The following IKZF3 variants were observed in gnomAD, a reference collection of about 807,000 sequenced individuals.
IKZF3 encodes zinc finger protein Aiolos.
Under a neutral mutation model 49.0 loss-of-function variants are expected in IKZF3, and 10 were observed. That is an observed-to-expected ratio of 0.20 (90% CI 0.13 to 0.35). The LOEUF is 0.35. Among genes scored for constraint, IKZF3 ranks in the 10% least tolerant of loss-of-function variants. IKZF3 has a pLI of 1.00. For missense variants in IKZF3, 498 were observed against 664.8 expected, an observed-to-expected ratio of 0.75 and a Z score of 2.76; for synonymous variants, 209 against 228.2, an observed-to-expected ratio of 0.92 and a Z score of 0.76.
At chr17:39,794,147 G>C (rs1567987134) in intron 3 of IKZF3, among the ~76,000 whole-genome samples, 1 of 152,216 alleles carries the variant, frequency 6.6e-6, no homozygotes, top group African/African-American at 2.4e-5. Context: ...TCTGGGAGCA[G>C]AGATGTTTTT....
chr17:39,838,706 A>G (rs910372023), intron 1 of IKZF3, among the ~76,000 whole-genome samples: 3 of 152,090 alleles, frequency 2.0e-5, no homozygotes, highest in African/African-American at 7.2e-5. Flanking sequence ...TTTTCTCTTG[A>G]GTATGGGTCA....
chr17:39,835,288 C>T (rs79313700), intron 1 of IKZF3: 2 of 551,020 alleles, frequency 3.6e-6, no homozygotes, highest in East Asian at 9.7e-5. Flanking sequence ...GTCATCAGCT[C>T]CTGGTACTTG....
At chr17:39,856,849 T>G (rs955983769) in intron 1 of IKZF3, among the ~76,000 whole-genome samples, 2 of 151,776 alleles carry the variant, frequency 1.3e-5, no homozygotes, top group African/African-American at 2.4e-5. Context: ...TGAGAAAATA[T>G]GCACAGGAGA....
At chr17:39,806,234 G>A (rs544539185) in intron 3 of IKZF3, among the ~76,000 whole-genome samples, 23 of 152,178 alleles carry the variant, frequency 1.5e-4, no homozygotes, top group Admixed American at 3.3e-4. Flanking sequence ...ATATATAGGC[G>A]TAGCATAGTA....
intron 1 of IKZF3, among the ~76,000 whole-genome samples, chr17:39,863,491 C>G (rs1463511685): frequency 6.6e-6 from 1 of 152,004 alleles, no homozygotes; most frequent in Non-Finnish European, 1.5e-5. Flanking sequence ...GAAGAGTTTA[C>G]AGTAGCAGTG....
chr17:39,864,213 T>C lies in IKZF3; in HGVS notation c.-87A>G, dbSNP rs558458651. 14 of 1,484,150 alleles carry C rather than the reference T, an allele frequency of 9.4e-6. No individual in the cohort carries two copies. In the East Asian group the frequency reaches 3.2e-4, roughly 34 times the overall value. The allele number at this position is 1,484,150 out of a possible 1,614,324, so 91.9% of individuals were successfully genotyped here. On this transcript the variant is annotated 5_prime_UTR_variant, in exon 1 of 8. Transcript: ENST00000346872. Reference sequence around the variant, plus strand: ...CCGTCGCCTGGACTCAGCGCGCAGCTGGCGGGAGATTCCCGGCGCGGGGAG... The same window carrying C: ...CCGTCGCCTGGACTCAGCGCGCAGCCGGCGGGAGATTCCCGGCGCGGGGAG...
chr17:39,833,160 C>T (rs1465202908), intron 1 of IKZF3, among the ~76,000 whole-genome samples: 22 of 152,106 alleles, frequency 1.4e-4, no homozygotes, highest in Admixed American at 1.2e-3. Flanking sequence ...GCTTTTTCAA[C>T]GCATTGCAAA....
intron 3 of IKZF3, among the ~76,000 whole-genome samples, chr17:39,825,516 G>T (rs1337811288): frequency 6.6e-6 from 1 of 152,168 alleles, no homozygotes; most frequent in Admixed American, 6.5e-5. Flanking sequence ...AATAATTCTG[G>T]TGGGCTCTAA....
At chr17:39,842,178 C>T (rs1441922505) in intron 1 of IKZF3, among the ~76,000 whole-genome samples, 2 of 151,838 alleles carry the variant, frequency 1.3e-5, no homozygotes, top group African/African-American at 4.8e-5. Context: ...ATATTAACTT[C>T]TAAATATTAT....
chr17:39,847,373 C>T (rs2062665666), intron 1 of IKZF3, among the ~76,000 whole-genome samples: 1 of 152,130 alleles, frequency 6.6e-6, no homozygotes, highest in Admixed American at 6.6e-5. Context: ...GTTTGAATGT[C>T]CTCTAATATC....
intron 7 of IKZF3, among the ~76,000 whole-genome samples, chr17:39,776,739 T>C (rs1380278068): frequency 1.3e-5 from 2 of 152,202 alleles, no homozygotes; most frequent in East Asian, 1.9e-4. Flanking sequence ...AGGCAACTTA[T>C]TATCTGTAAG....
At position 39,843,081 on chromosome 17, in the gene IKZF3, T is replaced by C. The variant is rs114158598; in HGVS notation, c.8-10930A>G. ...AAGGTCATGAAAGACTGAAGAACTGTTCCAGACTGAAGGAGAGGAAAGAGA... is the reference window on the plus strand; with the variant it reads ...AAGGTCATGAAAGACTGAAGAACTGCTCCAGACTGAAGGAGAGGAAAGAGA... On this transcript the variant is annotated intron_variant, in intron 1 of 7. Transcript: ENST00000346872. Among the ~76,000 whole-genome samples, 1,265 of 152,300 alleles carry C rather than the reference T, an allele frequency of 8.3e-3. 16 individuals are homozygous for C. Among genetic ancestry groups the C allele is most frequent in the African/African-American group, 0.029 (1,209 of 41,542 alleles).
intron 1 of IKZF3, among the ~76,000 whole-genome samples, chr17:39,850,341 CAT>C (rs2062779715): frequency 7.5e-6 from 1 of 133,434 alleles, no homozygotes; most frequent in Non-Finnish European, 1.5e-5. Context: ...GCATATTATA[CAT>C]GTACATATAA....
At chr17:39,831,718 A>G (rs1297114424) in intron 2 of IKZF3, among the ~76,000 whole-genome samples, 1 of 152,140 alleles carries the variant, frequency 6.6e-6, no homozygotes, top group African/African-American at 2.4e-5. Flanking sequence ...AAGTCTAAAT[A>G]TTTACTATCT....
chr17:39,839,287 G>A, intron 1 of IKZF3: 1 of 435,348 alleles, frequency 2.3e-6, no homozygotes, highest in Non-Finnish European at 4.2e-6. Flanking sequence ...TCCAGACAGT[G>A]GTGACATTTT....
chr17:39,855,203 C>T (rs2063001328), intron 1 of IKZF3, among the ~76,000 whole-genome samples: 1 of 152,118 alleles, frequency 6.6e-6, no homozygotes. Flanking sequence ...TGCATCTGAT[C>T]CCACATAAGA....
At chr17:39,851,217 T>C (rs748721379) in intron 1 of IKZF3, among the ~76,000 whole-genome samples, 9 of 151,620 alleles carry the variant, frequency 5.9e-5, no homozygotes, top group Non-Finnish European at 1.0e-4. Context: ...CTTGTAGAGA[T>C]GGGGTTTCAC....
At chr17:39,789,697 C>T (rs1348876804) in intron 5 of IKZF3, among the ~76,000 whole-genome samples, 2 of 149,086 alleles carry the variant, frequency 1.3e-5, no homozygotes, top group African/African-American at 5.0e-5. Flanking sequence ...CGCTGTACTC[C>T]AGCCTGGGTG....
intron 3 of IKZF3, among the ~76,000 whole-genome samples, chr17:39,810,373 T>C (rs2061522575): frequency 6.6e-6 from 1 of 152,224 alleles, no homozygotes; most frequent in Non-Finnish European, 1.5e-5. Context: ...GTATTGTAAA[T>C]AATGATAGTT....
Sources: allele counts gnomAD v4.1 joint callset (sites outside exome capture counted in the v4.1 genomes callset), GRCh38; gene constraint gnomAD v4.1.1; transcripts MANE v1.5; gene names NCBI Gene and HGNC (gene_info 2026-07-23, HGNC 2026-07-21).